The following SLC20A2 variants were observed in gnomAD, a reference collection of about 807,000 sequenced individuals.
SLC20A2 encodes the protein sodium-dependent phosphate transporter 2.
A neutral mutation model predicts 61.0 loss-of-function variants in SLC20A2; 30 were observed. The observed-to-expected ratio is 0.49, with a 90% CI of 0.37 to 0.67. The LOEUF (loss-of-function observed/expected upper bound fraction) is 0.67, where lower values mean the gene tolerates loss of function less well. Among genes scored for constraint, SLC20A2 ranks in the 30% least tolerant of loss-of-function variants. The pLI is 0.00. For synonymous variants in SLC20A2, 351 were observed against 353.3 expected (o/e 0.99, Z 0.07); for missense variants, 626 against 866.4 (o/e 0.72, Z 3.48).
chr8:42,476,394 T>C (rs1023010681), intron 1 of SLC20A2, among the ~76,000 whole-genome samples: 27 of 152,204 alleles, frequency 1.8e-4, no homozygotes, highest in Non-Finnish European at 2.2e-4. Context: ...TGAGCCACCG[T>C]GCCCGGCCGG....
chr8:42,484,057 T>G (rs1198504670), intron 1 of SLC20A2, among the ~76,000 whole-genome samples: 1 of 152,220 alleles, frequency 6.6e-6, no homozygotes. Flanking sequence ...TTATCTTAAC[T>G]CCTTTCCATG....
At chr8:42,484,377 A>G (rs968839722) in intron 1 of SLC20A2, among the ~76,000 whole-genome samples, 2 of 152,232 alleles carry the variant, frequency 1.3e-5, no homozygotes, top group African/African-American at 4.8e-5. Flanking sequence ...CTCATCTTCT[A>G]TGGAGACTGA....
chr8:42,520,651 G>A lies in SLC20A2; in HGVS notation c.-265+21170C>T, dbSNP rs1009639289. Among the ~76,000 whole-genome samples, 18 of 116,804 alleles carry A rather than the reference G, an allele frequency of 1.5e-4. 6 individuals are homozygous for A. The East Asian group carries it at 1.7e-3, about 11-fold the overall frequency. The allele number at this position is 116,804 out of a possible 152,430, so 76.6% of individuals were successfully genotyped here. A position where few individuals can be genotyped will look rare whatever the true frequency, so the allele number is the denominator to read the frequency against. On this transcript the variant is annotated intron_variant, in intron 1 of 10. Coordinates refer to the SLC20A2 transcript ENST00000342228. ...TGAGGCAGGAGAAGGGCGTGAACCC[G>A]GGAGGCGGAGCTTGCAGTGAGCTGA...
intron 6 of SLC20A2, among the ~76,000 whole-genome samples, chr8:42,443,114 AATTACT>A (rs921736840): frequency 2.7e-5 from 4 of 149,872 alleles, no homozygotes; most frequent in African/African-American, 9.8e-5. Context: ...TATATGTTAT[AATTACT>A]ATAACTATAA....
intron 4 of SLC20A2, among the ~76,000 whole-genome samples, chr8:42,462,593 T>TA (rs370613700): frequency 0.017 from 2,397 of 142,242 alleles, 67 homozygotes; most frequent in African/African-American, 0.057. Flanking sequence ...CTCTCTCCAT[T>TA]AAAAAAAAAA....
chr8:42,528,105 T>C (rs1012169019), intron 1 of SLC20A2, among the ~76,000 whole-genome samples: 1 of 152,176 alleles, frequency 6.6e-6, no homozygotes, highest in African/African-American at 2.4e-5. Context: ...AACAAAGATA[T>C]GTTATTTTGG....
At chr8:42,445,688 T>C (rs776970876) in intron 5 of SLC20A2, among the ~76,000 whole-genome samples, 9 of 151,980 alleles carry the variant, frequency 5.9e-5, no homozygotes, top group Non-Finnish European at 1.2e-4. Context: ...GATCGCGCCA[T>C]TGCACTCTAG....
At chr8:42,480,991 T>C (rs896513614) in intron 1 of SLC20A2, among the ~76,000 whole-genome samples, 2 of 152,132 alleles carry the variant, frequency 1.3e-5, no homozygotes, top group Admixed American at 6.6e-5. Flanking sequence ...AAAGGGCCCA[T>C]GCTCAGTCAC....
chr8:42,531,544 A>G (rs796303741), intron 1 of SLC20A2, among the ~76,000 whole-genome samples: 23 of 152,362 alleles, frequency 1.5e-4, no homozygotes, highest in African/African-American at 5.0e-4. Context: ...CATAGAATAT[A>G]GAAGAATAAA....
intron 1 of SLC20A2, among the ~76,000 whole-genome samples, chr8:42,475,396 G>C (rs924129802): frequency 3.3e-5 from 5 of 151,152 alleles, no homozygotes; most frequent in Admixed American, 2.6e-4. Context: ...TACCATGCCC[G>C]GCCCAGACTT....
At chr8:42,526,355 T>TAA (rs767614361) in intron 1 of SLC20A2, among the ~76,000 whole-genome samples, 3 of 145,040 alleles carry the variant, frequency 2.1e-5, no homozygotes, top group Non-Finnish European at 3.0e-5. Context: ...CAAGGTCATT[T>TAA]AAAAAAAAAA....
At chr8:42,511,438 C>T (rs1811025959) in intron 1 of SLC20A2, among the ~76,000 whole-genome samples, 1 of 151,990 alleles carries the variant, frequency 6.6e-6, no homozygotes, top group South Asian at 2.1e-4. Flanking sequence ...ACCAGCCTGG[C>T]CAACACAGTG....
intron 5 of SLC20A2, among the ~76,000 whole-genome samples, chr8:42,454,387 G>A (rs1382518388): frequency 1.3e-5 from 2 of 152,112 alleles, no homozygotes; most frequent in Non-Finnish European, 2.9e-5. Context: ...ATTATGTGCC[G>A]GGCACTGTGC....
chr8:42,434,827 C>G (rs1362527984), intron 8 of SLC20A2, among the ~76,000 whole-genome samples: 2 of 152,138 alleles, frequency 1.3e-5, no homozygotes, highest in Non-Finnish European at 2.9e-5. Flanking sequence ...GCAGCCACTG[C>G]CTAGATGCTT....
chr8:42,479,236 G>A (rs1434970364), intron 1 of SLC20A2, among the ~76,000 whole-genome samples: 1 of 152,162 alleles, frequency 6.6e-6, no homozygotes, highest in Non-Finnish European at 1.5e-5. Context: ...AAACATTTCA[G>A]GTGAAAATCA....
At chr8:42,462,439 T>C (rs1806785553) in intron 4 of SLC20A2, among the ~76,000 whole-genome samples, 1 of 152,204 alleles carries the variant, frequency 6.6e-6, no homozygotes. Context: ...ACCCTGTGAC[T>C]GCCAAACAAA....
chr8:42,528,919 A>G (rs34522728), intron 1 of SLC20A2, among the ~76,000 whole-genome samples: 103,701 of 151,408 alleles, frequency 0.68, 36,357 homozygotes, highest in African/African-American at 0.84. Context: ...CCCCCGCCTC[A>G]GCCTCCCAAA....
chr8:42,434,539 A>G (rs1004318792), intron 8 of SLC20A2, among the ~76,000 whole-genome samples: 8 of 151,968 alleles, frequency 5.3e-5, no homozygotes, highest in Non-Finnish European at 8.8e-5. Flanking sequence ...ACTGGATTCC[A>G]ATTTGGCTTT....
In SLC20A2 at chr8:42,460,002, G is replaced by C; in HGVS notation, c.517-10C>G. ...TGGGAACAGGGTCTTCCTGTAGGAAGACAAGGAGACAGAGTGGAAGGTCAG... is the reference window on the plus strand; with the variant it reads ...TGGGAACAGGGTCTTCCTGTAGGAACACAAGGAGACAGAGTGGAAGGTCAG... On this transcript the variant is annotated splice_polypyrimidine_tract_variant and intron_variant, in intron 4 of 10. Coordinates refer to ENST00000520262, the MANE Select transcript of SLC20A2 (RefSeq NM_001257180.2). 1.3e-6 allele frequency: 2 copies of C among 1,503,644 alleles called. No homozygotes were observed. Among genetic ancestry groups the C allele is most frequent in the Non-Finnish European group, 1.9e-6 (2 of 1,080,568 alleles). The allele number at this position is 1,503,644 out of a possible 1,614,324, so 93.1% of individuals were successfully genotyped here. A position where few individuals can be genotyped will look rare whatever the true frequency, so the allele number is the denominator to read the frequency against.
Sources: allele counts gnomAD v4.1 joint callset (sites outside exome capture counted in the v4.1 genomes callset), GRCh38; gene constraint gnomAD v4.1.1; transcripts MANE v1.5; gene names NCBI Gene and HGNC (gene_info 2026-07-23, HGNC 2026-07-21).